The following MYO1E variants were observed in gnomAD, a reference collection of about 807,000 sequenced individuals.
The protein encoded by MYO1E is myosin IE, also known as unconventional myosin-Ie.
In MYO1E, 68 loss-of-function variants were observed where a neutral mutation model predicts 151.1. That is an observed-to-expected ratio of 0.45 (90% confidence interval 0.37 to 0.55). The LOEUF (loss-of-function observed/expected upper bound fraction) is 0.55, where lower values mean the gene tolerates loss of function less well. MYO1E is among the 20% of genes least tolerant of loss of function. The pLI is 0.00. For synonymous variants in MYO1E, 601 were observed against 501.7 expected (o/e 1.20, Z -2.64); for missense variants, 1,363 against 1,389.3 (o/e 0.98, Z 0.30).
intron 4 of MYO1E, among the ~76,000 whole-genome samples, chr15:59,244,334 C>A (rs929340524): frequency 2.0e-5 from 3 of 152,212 alleles, no homozygotes; most frequent in Non-Finnish European, 4.4e-5. Flanking sequence ...CAGCTACTTC[C>A]CAGCTCTGAA....
chr15:59,263,320 T>G (rs186164758), intron 2 of MYO1E, among the ~76,000 whole-genome samples: 1 of 152,312 alleles, frequency 6.6e-6, no homozygotes, highest in African/African-American at 2.4e-5. Flanking sequence ...AATAAAATAA[T>G]TATAGAACAC....
intron 1 of MYO1E, among the ~76,000 whole-genome samples, chr15:59,282,734 T>C (rs2080359975): frequency 6.7e-6 from 1 of 149,738 alleles, no homozygotes; most frequent in African/African-American, 2.5e-5. Context: ...TGGTCCAGGC[T>C]ACTCTCGAGA....
Position 59,300,629 on chromosome 15 carries a change from C to T in MYO1E, c.4-28180G>A, listed in dbSNP as rs188765671. On this transcript the variant is annotated intron_variant, in intron 1 of 27. Coordinates refer to ENST00000288235, the MANE Select transcript of MYO1E (RefSeq NM_004998.4). ...TAAAAGGAAGCTGAACGCTGGTGCA[C>T]TGATCTAGAAACCTGTGATCGCCTT... is the stretch of plus-strand genomic sequence containing the variant. 2.2e-3 allele frequency among the ~76,000 whole-genome samples: 330 copies of T among 152,262 alleles called. 1 individual carries two copies. Among genetic ancestry groups the T allele is most frequent in the African/African-American group, 7.5e-3 (313 of 41,560 alleles).
At chr15:59,149,036 CTGTTTTTTTTTTTT>C (rs1399438954) in intron 26 of MYO1E, among the ~76,000 whole-genome samples, 9 of 132,834 alleles carry the variant, frequency 6.8e-5, no homozygotes, top group Non-Finnish European at 1.2e-4. Flanking sequence ...GGTGGATGAA[CTGTTTTTTTTTTTT>C]TGTTTTTTTT....
chr15:59,283,976 A>G (rs112184734), intron 1 of MYO1E, among the ~76,000 whole-genome samples: 1 of 152,240 alleles, frequency 6.6e-6, no homozygotes, highest in African/African-American at 2.4e-5. Context: ...AAAAAGAAGT[A>G]CCACGTGGTA....
chr15:59,158,876 G>T (rs1251350442), intron 24 of MYO1E, among the ~76,000 whole-genome samples: 1 of 152,150 alleles, frequency 6.6e-6, no homozygotes, highest in Non-Finnish European at 1.5e-5. Context: ...ACAAGGAGGA[G>T]AAGCAGACTT....
intron 1 of MYO1E, among the ~76,000 whole-genome samples, chr15:59,274,674 C>T (rs543096781): frequency 1.3e-5 from 2 of 152,128 alleles, no homozygotes; most frequent in Non-Finnish European, 2.9e-5. Flanking sequence ...TTGTATTGAT[C>T]CGAAGAAACT....
At chr15:59,259,978 C>G (rs555191822) in intron 3 of MYO1E, among the ~76,000 whole-genome samples, 1 of 152,328 alleles carries the variant, frequency 6.6e-6, no homozygotes, top group African/African-American at 2.4e-5. Flanking sequence ...GCATCCAGGG[C>G]TGTTTTATTA....
At chr15:59,309,915 T>A (rs2080539709) in intron 1 of MYO1E, among the ~76,000 whole-genome samples, 1 of 152,158 alleles carries the variant, frequency 6.6e-6, no homozygotes, top group South Asian at 2.1e-4. Flanking sequence ...AGAATCACCC[T>A]TGATCCTTCC....
chr15:59,135,077 C>A lies in MYO1E; in HGVS notation c.*2303G>T, dbSNP rs144587954. The A allele has an allele frequency of 6.6e-5, 10 of 152,326 alleles. No individual in the cohort carries two copies. In the East Asian group the frequency reaches 1.9e-3, roughly 29 times the overall value. 9.4% of individuals were successfully genotyped at this position (152,326 alleles called of 1,614,324 possible). A position where few individuals can be genotyped will look rare whatever the true frequency, so the allele number is the denominator to read the frequency against. On this transcript the variant is annotated 3_prime_UTR_variant, in exon 28 of 28. Coordinates refer to ENST00000288235, the MANE Select transcript of MYO1E (RefSeq NM_004998.4). ...TAGTGTCAGCATTTCAGCATCTCTACGCAGATCTAAGTCTCCTTCCCCTGT... is the reference window on the plus strand; with the variant it reads ...TAGTGTCAGCATTTCAGCATCTCTAAGCAGATCTAAGTCTCCTTCCCCTGT...
chr15:59,229,277 C>G (rs2080011235), intron 6 of MYO1E, among the ~76,000 whole-genome samples: 1 of 152,156 alleles, frequency 6.6e-6, no homozygotes, highest in Admixed American at 6.5e-5. Context: ...GGAGCCTTTC[C>G]AACATGCTGT....
intron 1 of MYO1E, among the ~76,000 whole-genome samples, chr15:59,281,192 A>G (rs189021980): frequency 2.6e-5 from 4 of 151,778 alleles, no homozygotes; most frequent in African/African-American, 7.3e-5. Flanking sequence ...AAGGTGTCCC[A>G]CCCTCCATGC....
At chr15:59,272,236 T>C in intron 2 of MYO1E, 70 bp downstream of exon 2, 3 of 1,581,080 alleles carry the variant, frequency 1.9e-6, no homozygotes, top group South Asian at 2.2e-5. Context: ...GCACCCAGCA[T>C]AAAGCCACAA....
intron 8 of MYO1E, among the ~76,000 whole-genome samples, chr15:59,224,158 A>G (rs1437687618): frequency 2.0e-5 from 3 of 152,238 alleles, no homozygotes; most frequent in Non-Finnish European, 2.9e-5. Context: ...GAACCCCTCC[A>G]TAATCTACCT....
At chr15:59,322,623 C>T (rs1433870979) in intron 1 of MYO1E, among the ~76,000 whole-genome samples, 7 of 152,236 alleles carry the variant, frequency 4.6e-5, no homozygotes, top group African/African-American at 1.2e-4. Context: ...AGGAAATTGT[C>T]CTGCTTACCT....
At chr15:59,345,486 T>G (rs1180614267) in intron 1 of MYO1E, among the ~76,000 whole-genome samples, 2 of 152,170 alleles carry the variant, frequency 1.3e-5, no homozygotes, top group African/African-American at 4.8e-5. Context: ...TAAAAAAATG[T>G]TTTTAGAAAT....
At chr15:59,149,059 T>G (rs867300988) in intron 26 of MYO1E, among the ~76,000 whole-genome samples, 6,534 of 139,830 alleles carry the variant, frequency 0.047, 459 homozygotes, top group African/African-American at 0.17. Context: ...TTTGTTTTTT[T>G]TTTTTTTTTT....
intron 9 of MYO1E, 132 bp downstream of exon 9, chr15:59,222,927 C>T: frequency 7.2e-7 from 1 of 1,384,248 alleles, no homozygotes; most frequent in Non-Finnish European, 1.0e-6. Flanking sequence ...TTCTGTTTGC[C>T]ACAGAGGACA....
At chr15:59,182,621 G>A (rs2140322277) in intron 18 of MYO1E, among the ~76,000 whole-genome samples, 1 of 152,306 alleles carries the variant, frequency 6.6e-6, no homozygotes, top group East Asian at 1.9e-4. Flanking sequence ...TACAGCAGGA[G>A]AGCTAAGGGA....
Sources: gnomAD v4.1 joint callset for allele counts (sites outside exome capture counted in the v4.1 genomes callset) on GRCh38, gnomAD v4.1.1 for gene constraint, MANE v1.5 for transcripts, NCBI Gene and HGNC (gene_info 2026-07-23, HGNC 2026-07-21) for gene names.